PCDHA9: variants seen among roughly 807,000 people sequenced by gnomAD.
PCDHA9 encodes the protein protocadherin alpha-9.
Under a neutral mutation model 62.0 loss-of-function variants are expected in PCDHA9, and 62 were observed. That is an observed-to-expected ratio of 1.00 (90% CI 0.81 to 1.23). The LOEUF is 1.23. Among genes scored for constraint, PCDHA9 ranks in the 50% most tolerant of loss-of-function variants. PCDHA9 has a pLI of 0.00. For synonymous variants in PCDHA9, 557 were observed against 567.6 expected (o/e 0.98, Z 0.27); for missense variants, 1,205 against 1,249.8 (o/e 0.96, Z 0.54).
intron 1 of PCDHA9, chr5:140,870,821 G>T: frequency 1.9e-6 from 3 of 1,613,736 alleles, no homozygotes; most frequent in South Asian, 1.1e-5. Context: ...GGCAGCGCGG[G>T]AGGCGCAGTT....
chr5:141,005,990 A>G (rs1375805001), intron 3 of PCDHA9, among the ~76,000 whole-genome samples: 6 of 151,998 alleles, frequency 3.9e-5, no homozygotes, highest in Admixed American at 3.9e-4. Flanking sequence ...GTGTTTGAGG[A>G]TCTGAAAGAA....
At chr5:140,897,339 C>G (rs1373496877) in intron 1 of PCDHA9, among the ~76,000 whole-genome samples, 14 of 121,352 alleles carry the variant, frequency 1.2e-4, no homozygotes, top group African/African-American at 4.4e-4. Context: ...CCCCCTCCCC[C>G]CACCCCACAA....
chr5:141,004,642 C>T (rs1470971220), intron 3 of PCDHA9, among the ~76,000 whole-genome samples: 1 of 152,120 alleles, frequency 6.6e-6, no homozygotes, highest in African/African-American at 2.4e-5. Context: ...GAAAAATTTC[C>T]ATTTTGGGCT....
Position 140,972,810 on chromosome 5 carries a change from C to T in PCDHA9, c.2395-6139C>T, listed in dbSNP as rs546110006. 7.2e-5 allele frequency among the ~76,000 whole-genome samples: 11 copies of T among 151,984 alleles called. No homozygotes were observed. In the East Asian group the frequency reaches 9.7e-4, roughly 13 times the overall value. On this transcript the variant is annotated intron_variant, in intron 1 of 3. Transcript: ENST00000532602. ...TCCTGAGTAGCTGAGATTACAGGCA[C>T]GCGCCACCACGCCTGGCTAATTTTT...
At chr5:140,882,252 G>C (rs782433822) in intron 1 of PCDHA9, 1 of 1,597,600 alleles carries the variant, frequency 6.3e-7, no homozygotes, top group Non-Finnish European at 8.5e-7. Context: ...ATAGCTCTGA[G>C]GTTTTTGGAG....
intron 1 of PCDHA9, among the ~76,000 whole-genome samples, chr5:140,913,380 T>C (rs1436602497): frequency 6.6e-6 from 1 of 152,226 alleles, no homozygotes; most frequent in Non-Finnish European, 1.5e-5. Context: ...ATATAGTGGC[T>C]CATCATAGCC....
At chr5:140,869,400 C>G (rs782134920) in intron 1 of PCDHA9, 3 of 1,614,144 alleles carry the variant, frequency 1.9e-6, no homozygotes, top group Middle Eastern at 3.3e-4. Context: ...GCGGGCAGAG[C>G]GCGGAGTGCA....
chr5:140,966,800 G>T, intron 1 of PCDHA9: 1 of 1,540,654 alleles, frequency 6.5e-7, no homozygotes, highest in East Asian at 2.4e-5. Flanking sequence ...TGCGGCGACA[G>T]AGCATCCACG....
At chr5:140,883,410 C>T in intron 1 of PCDHA9, 2 of 1,614,180 alleles carry the variant, frequency 1.2e-6, no homozygotes, top group Non-Finnish European at 1.7e-6. Flanking sequence ...GACTCTGGCT[C>T]AAATGGACAG....
chr5:140,971,698 A>G (rs969936167), intron 1 of PCDHA9, among the ~76,000 whole-genome samples: 16 of 151,980 alleles, frequency 1.1e-4, no homozygotes, highest in Non-Finnish European at 2.2e-4. Context: ...CTCACTAACC[A>G]CCCTGCTATA....
intron 1 of PCDHA9, among the ~76,000 whole-genome samples, chr5:140,906,853 T>C (rs576448914): frequency 1.3e-5 from 2 of 152,170 alleles, no homozygotes; most frequent in Non-Finnish European, 2.9e-5. Flanking sequence ...AGAGTCTGGG[T>C]CAGTCACCCC....
chr5:140,992,558 G>A (rs567645353), intron 3 of PCDHA9, among the ~76,000 whole-genome samples: 27 of 152,256 alleles, frequency 1.8e-4, no homozygotes, highest in African/African-American at 5.8e-4. Context: ...CCAGGAGATG[G>A]GGCAACACAT....
At position 140,876,665 on chromosome 5, in the gene PCDHA9, T is replaced by C. The variant is rs781830697; in HGVS notation, c.2394+25776T>C. 98 of 1,614,080 alleles carry C rather than the reference T, an allele frequency of 6.1e-5. 1 individual carries two copies. The South Asian group carries it at 9.4e-4, about 16-fold the overall frequency. ...ACACCTCATGTTCCCTTCAAGCTGG[T>C]GTCCACCTACAAGAATTACTACTCG... On this transcript the variant is annotated intron_variant, in intron 1 of 3. Coordinates refer to ENST00000532602, the MANE Select transcript of PCDHA9 (RefSeq NM_031857.2).
intron 1 of PCDHA9, among the ~76,000 whole-genome samples, chr5:140,917,340 T>TG (rs2078149834): frequency 7.5e-6 from 1 of 132,986 alleles, no homozygotes; most frequent in Non-Finnish European, 1.6e-5. Context: ...AGGGGGGGGA[T>TG]GGTGTAGGCT....
intron 1 of PCDHA9, chr5:140,856,383 C>A (rs1053203263): frequency 3.8e-6 from 6 of 1,598,432 alleles, no homozygotes; most frequent in Non-Finnish European, 5.1e-6. Flanking sequence ...GTGGACAGGC[C>A]GCTGCAGGTT....
chr5:140,902,963 G>T (rs2069893804), intron 1 of PCDHA9, among the ~76,000 whole-genome samples: 1 of 152,180 alleles, frequency 6.6e-6, no homozygotes, highest in Non-Finnish European at 1.5e-5. Context: ...CTTGTTGGCT[G>T]ATGGGCATTT....
chr5:140,920,129 A>T lies in PCDHA9; in HGVS notation c.2395-58820A>T, dbSNP rs369489887. Among the ~76,000 whole-genome samples, 8 of 152,262 alleles carry T rather than the reference A, an allele frequency of 5.3e-5. No homozygotes were observed. The South Asian group carries it at 1.7e-3, about 32-fold the overall frequency. ...CAACCTTGCCAACATCTTGAGTTTT[A>T]ATTCTCCTCTCCAAACCTGGGAGAA... On this transcript the variant is annotated intron_variant, in intron 1 of 3. Transcript: ENST00000532602.
intron 1 of PCDHA9, among the ~76,000 whole-genome samples, chr5:140,962,950 C>T (rs2095723700): frequency 6.6e-6 from 1 of 152,152 alleles, no homozygotes; most frequent in African/African-American, 2.4e-5. Flanking sequence ...ATAAGATATG[C>T]TCTATCCCTA....
chr5:141,003,322 G>A (rs1588017257), intron 3 of PCDHA9, among the ~76,000 whole-genome samples: 1 of 152,242 alleles, frequency 6.6e-6, no homozygotes, highest in East Asian at 1.9e-4. Flanking sequence ...ACTTCCAGAG[G>A]GCAGGGTTTT....
Sources: gnomAD v4.1 joint callset for allele counts (sites outside exome capture counted in the v4.1 genomes callset) on GRCh38, gnomAD v4.1.1 for gene constraint, MANE v1.5 for transcripts, NCBI Gene and HGNC (gene_info 2026-07-23, HGNC 2026-07-21) for gene names.